The following FBXO48 variants were observed in gnomAD, a reference collection of about 807,000 sequenced individuals.
The protein encoded by FBXO48 is F-box protein 48.
Under a neutral mutation model 14.3 loss-of-function variants are expected in FBXO48, and 12 were observed. The observed-to-expected ratio is 0.84, with a 90% CI of 0.54 to 1.36. The LOEUF (loss-of-function observed/expected upper bound fraction) is 1.36, where lower values mean the gene tolerates loss of function less well. Among genes scored for constraint, FBXO48 ranks in the 40% most tolerant of loss-of-function variants. The pLI is 0.00. For synonymous variants in FBXO48, 53 were observed against 61.7 expected (o/e 0.86, Z 0.66); for missense variants, 177 against 179.1 (o/e 0.99, Z 0.07).
chr2:68,465,317 G>A (rs542572897), intron 2 of FBXO48, 139 bp from the exon 3 acceptor site: 8 of 594,952 alleles, frequency 1.3e-5, no homozygotes, highest in South Asian at 6.3e-5. Context: ...CAATGCTGCC[G>A]CTCTCCTGAA....
rs1473038153 is a variant in FBXO48, at chr2:68,466,445, T to G, written c.-335A>C. On this transcript the variant is annotated 5_prime_UTR_variant, in exon 2 of 4. Transcript: ENST00000377957. ...CCAGATTAGCTGTGGTGGCTGGAAC[T>G]GCAGTCTGTGTTCAACAGAGGTCTT... 1.3e-5 allele frequency: 2 copies of G among 152,166 alleles called. No homozygotes were observed. Among genetic ancestry groups the G allele is most frequent in the Non-Finnish European group, 2.9e-5 (2 of 68,064 alleles). 9.4% of individuals were successfully genotyped at this position (152,166 alleles called of 1,614,324 possible). A position where few individuals can be genotyped will look rare whatever the true frequency, so the allele number is the denominator to read the frequency against.
intron 2 of FBXO48, among the ~76,000 whole-genome samples, chr2:68,465,783 C>T (rs1675393325): frequency 6.6e-6 from 1 of 152,102 alleles, no homozygotes; most frequent in Non-Finnish European, 1.5e-5. Context: ...CATTAATTTG[C>T]AATTTGTGAC....
Position 68,461,009 on chromosome 2 carries a change from G to A in FBXO48, c.*3200C>T, listed in dbSNP as rs1400086118. 1 of 152,166 alleles carries A rather than the reference G, an allele frequency of 6.6e-6. No homozygotes were observed. The highest frequency in any genetic ancestry group is 1.9e-4 in the East Asian group (1 of 5,202). 9.4% of individuals were successfully genotyped at this position (152,166 alleles called of 1,614,324 possible). A position where few individuals can be genotyped will look rare whatever the true frequency, so the allele number is the denominator to read the frequency against. On this transcript the variant is annotated 3_prime_UTR_variant, in exon 4 of 4. Transcript: ENST00000377957. ...ACAGTTTCAACCATATGGAGTGATGGCCATATTATAGCAGATTAAGACTGA... is the reference window on the plus strand; with the variant it reads ...ACAGTTTCAACCATATGGAGTGATGACCATATTATAGCAGATTAAGACTGA...
rs370586959 is a variant in FBXO48 at position 68,461,739 on chromosome 2, T to TA, written c.*2469dup. On this transcript the variant is annotated 3_prime_UTR_variant, in exon 4 of 4. Coordinates refer to ENST00000377957, the MANE Select transcript of FBXO48 (RefSeq NM_001024680.3). Reference sequence around the variant, plus strand: ...GGAGGCTGGGAAAAACAGGATAATGTAAAAAAAAAAAAACAAGAAAACAAA... The same window carrying TA: ...GGAGGCTGGGAAAAACAGGATAATGTAAAAAAAAAAAAAACAAGAAAACAAA... 0.042 allele frequency: 5,628 copies of TA among 135,136 alleles called. 124 individuals carry two copies. Among genetic ancestry groups the TA allele is most frequent in the South Asian group, 0.066 (273 of 4,124 alleles). The allele number at this position is 135,136 out of a possible 1,614,324, so 8.4% of individuals were successfully genotyped here. A position where few individuals can be genotyped will look rare whatever the true frequency, so the allele number is the denominator to read the frequency against.
At position 68,462,738 on chromosome 2, in the gene FBXO48, T is replaced by C. The variant is rs942988499; in HGVS notation, c.*1471A>G. On this transcript the variant is annotated 3_prime_UTR_variant, in exon 4 of 4. Coordinates refer to ENST00000377957, the MANE Select transcript of FBXO48 (RefSeq NM_001024680.3). The stretch of plus-strand genomic sequence containing the variant: ...TATACTCTATGATCATCAGTGGAAT[T>C]GGAGAGAAGACATAGGAAGAGACAG... 4 of 152,212 alleles carry C rather than the reference T, an allele frequency of 2.6e-5. No individual in the cohort carries two copies. Among genetic ancestry groups the C allele is most frequent in the African/African-American group, 9.7e-5 (4 of 41,440 alleles). 9.4% of individuals were successfully genotyped at this position (152,212 alleles called of 1,614,324 possible). A position where few individuals can be genotyped will look rare whatever the true frequency, so the allele number is the denominator to read the frequency against.
chr2:68,466,499 G>A (rs1418813791), intron 1 of FBXO48, 29 bp from the exon 2 acceptor site: 1 of 152,172 alleles, frequency 6.6e-6, no homozygotes, highest in Non-Finnish European at 1.5e-5. Flanking sequence ...AAGTAAGAAA[G>A]CAAACGTAAA....
rs942882683 is a variant in FBXO48 at position 68,463,018 on chromosome 2, G to C, written c.*1191C>G. 6 of 152,210 alleles carry C rather than the reference G, an allele frequency of 3.9e-5. No homozygotes were observed. The highest frequency in any genetic ancestry group is 9.7e-5 in the African/African-American group (4 of 41,448). 9.4% of individuals were successfully genotyped at this position (152,210 alleles called of 1,614,324 possible). On this transcript the variant is annotated 3_prime_UTR_variant, in exon 4 of 4. Transcript: ENST00000377957. ...AATAGTCCTGGACACTTGACTGCCT[G>C]ATTTTCAAGGACTCTTCCAACTCTA...
intron 3 of FBXO48, 32 bp downstream of exon 3, chr2:68,464,805 TCAA>T (rs1366790939): frequency 6.6e-7 from 1 of 1,522,554 alleles, no homozygotes; most frequent in Non-Finnish European, 9.0e-7. Context: ...CATAACGCTG[TCAA>T]CAACACTGCA....
chr2:68,465,027 G>A lies in FBXO48; in HGVS notation c.119C>T (p.Ala40Val). 1.9e-6 allele frequency: 3 copies of A among 1,613,956 alleles called. No homozygotes were observed. Among genetic ancestry groups the A allele is most frequent in the Non-Finnish European group, 2.5e-6 (3 of 1,180,030 alleles). ...SQNNFFELLP[A>V]EITFKIFSQL... is the part of the protein sequence containing the mutation. ...ACTGAAAATTTTAAAAGTGATTTCT[G>A]CAGGCAGCAGTTCAAAAAAGTTGTT... Residue 40 changes from alanine to valine, a missense_variant, in exon 3 of 4, where the codon GCA becomes GTA. Physicochemically the swap from Ala to Val is moderately conservative, Grantham distance 64. Coordinates refer to ENST00000377957, the MANE Select transcript of FBXO48 (RefSeq NM_001024680.3).
chr2:68,460,238 G>A lies in FBXO48; in HGVS notation c.*3971C>T, dbSNP rs1675229549. 1 of 152,134 alleles carries A rather than the reference G, an allele frequency of 6.6e-6. No individual in the cohort carries two copies. Among genetic ancestry groups the A allele is most frequent in the Non-Finnish European group, 1.5e-5 (1 of 68,030 alleles). The allele number at this position is 152,134 out of a possible 1,614,324, so 9.4% of individuals were successfully genotyped here. A position where few individuals can be genotyped will look rare whatever the true frequency, so the allele number is the denominator to read the frequency against. On this transcript the variant is annotated 3_prime_UTR_variant, in exon 4 of 4. Coordinates refer to ENST00000377957, the MANE Select transcript of FBXO48 (RefSeq NM_001024680.3). Reference sequence around the variant, plus strand: ...CAGTAAAAGGAAGGAACTGGAGGCAGGAACACCAGTAAGAGGTTATTTTAG... The same window carrying A: ...CAGTAAAAGGAAGGAACTGGAGGCAAGAACACCAGTAAGAGGTTATTTTAG...
intron 1 of FBXO48, 27 bp from the exon 2 acceptor site, chr2:68,466,497 A>C (rs1473686276): frequency 3.3e-5 from 5 of 152,146 alleles, no homozygotes; most frequent in African/African-American, 1.2e-4. Flanking sequence ...AGAAGTAAGA[A>C]AGCAAACGTA....
At position 68,460,776 on chromosome 2, in the gene FBXO48, A is replaced by C. The variant is rs1675240882; in HGVS notation, c.*3433T>G. Reference sequence around the variant, plus strand: ...AACACTAACATGTAATGAGTAGGTGAAGGAAAGCGAGTCTTTGGAGGAAAC... The same window carrying C: ...AACACTAACATGTAATGAGTAGGTGCAGGAAAGCGAGTCTTTGGAGGAAAC... On this transcript the variant is annotated 3_prime_UTR_variant, in exon 4 of 4. Transcript: ENST00000377957. The C allele has an allele frequency of 6.6e-6, 1 of 152,214 alleles. No homozygotes were observed. Among genetic ancestry groups the C allele is most frequent in the Non-Finnish European group, 1.5e-5 (1 of 68,048 alleles). 9.4% of individuals were successfully genotyped at this position (152,214 alleles called of 1,614,324 possible).
rs1675234932 is a variant in FBXO48, at chr2:68,460,558, ATAC to A, written c.*3648_*3650del. The A allele has an allele frequency of 4.0e-5, 6 of 150,734 alleles. No homozygotes were observed. The highest frequency in any genetic ancestry group is 6.6e-5 in the Admixed American group (1 of 15,126). 9.3% of individuals were successfully genotyped at this position (150,734 alleles called of 1,614,324 possible). A position where few individuals can be genotyped will look rare whatever the true frequency, so the allele number is the denominator to read the frequency against. On this transcript the variant is annotated 3_prime_UTR_variant, in exon 4 of 4. Coordinates refer to ENST00000377957, the MANE Select transcript of FBXO48 (RefSeq NM_001024680.3). ...ATTTTATATATATATATATATACTTATACTATCTTTGGATAAAAATCCAAAAGA... is the reference window on the plus strand; with the variant it reads ...ATTTTATATATATATATATATACTTATATCTTTGGATAAAAATCCAAAAGA...
chr2:68,464,401 CTGTAGTA>C, intron 3 of FBXO48, 31 bp from the exon 4 acceptor site: 1 of 1,606,602 alleles, frequency 6.2e-7, no homozygotes, highest in Non-Finnish European at 8.5e-7. Flanking sequence ...TTAAAAAAGA[CTGTAGTA>C]GGTGGTTGGT....
chr2:68,466,931 G>C (rs760999939), intron 1 of FBXO48, among the ~76,000 whole-genome samples: 29 of 152,300 alleles, frequency 1.9e-4, no homozygotes, highest in Non-Finnish European at 3.8e-4. Flanking sequence ...GGATAGATCG[G>C]CGGCAGCGCA....
At position 68,465,092 on chromosome 2, in the gene FBXO48, C is replaced by T. The variant is rs537043770; in HGVS notation, c.54G>A (p.Ala18=). 8.9e-5 allele frequency: 143 copies of T among 1,612,694 alleles called. 1 individual carries two copies. The South Asian group carries it at 1.2e-3, about 13-fold the overall frequency. The change falls in exon 3 of 4, where the codon GCG becomes GCA. Residue 18 remains alanine, a synonymous_variant. Transcript: ENST00000377957. ...NNNLRVSHTE[A]NSVDAEKEKN... ...TTTCCTTCTCAGCATCCACAGAGTT[C>T]GCTTCTGTGTGAGAAACTCTTAAAT... is the stretch of plus-strand genomic sequence containing the variant.
Position 68,461,928 on chromosome 2 carries a change from C to G in FBXO48, c.*2281G>C, listed in dbSNP as rs906251388. On this transcript the variant is annotated 3_prime_UTR_variant, in exon 4 of 4. Coordinates refer to ENST00000377957, the MANE Select transcript of FBXO48 (RefSeq NM_001024680.3). Reference sequence around the variant, plus strand: ...GCGGGCGCCTATAATCCTGGCTGCTCGGGAGGCTGACACAGAGAGTTGCTT... The same window carrying G: ...GCGGGCGCCTATAATCCTGGCTGCTGGGGAGGCTGACACAGAGAGTTGCTT... 6.6e-6 allele frequency: 1 copy of G among 151,698 alleles called. No individual in the cohort carries two copies. The highest frequency in any genetic ancestry group is 1.5e-5 in the Non-Finnish European group (1 of 68,000). The allele number at this position is 151,698 out of a possible 1,614,324, so 9.4% of individuals were successfully genotyped here.
rs2103852124 is a variant in FBXO48 at position 68,463,537 on chromosome 2, G to A, written c.*672C>T. 1 of 151,538 alleles carries A rather than the reference G, an allele frequency of 6.6e-6. No homozygotes were observed. Among genetic ancestry groups the A allele is most frequent in the East Asian group, 1.9e-4 (1 of 5,162 alleles). 9.4% of individuals were successfully genotyped at this position (151,538 alleles called of 1,614,324 possible). A position where few individuals can be genotyped will look rare whatever the true frequency, so the allele number is the denominator to read the frequency against. On this transcript the variant is annotated 3_prime_UTR_variant, in exon 4 of 4. Coordinates refer to ENST00000377957, the MANE Select transcript of FBXO48 (RefSeq NM_001024680.3). The stretch of plus-strand genomic sequence containing the variant: ...TACCAGGCTAGTGTGGCATTCTGAT[G>A]GTAAAGTGTTCTGGAAACTTTCCAC...
rs543576331 is a variant in FBXO48, at chr2:68,466,244, T to C, written c.-134A>G. ...GTATATAAAGACAGCTTGTATTCAC[T>C]TAAAATCAGTTTATTCCATTTTGCA... On this transcript the variant is annotated 5_prime_UTR_variant, in exon 2 of 4. Transcript: ENST00000377957. 6.6e-6 allele frequency: 1 copy of C among 152,376 alleles called. No homozygotes were observed. Among genetic ancestry groups the C allele is most frequent in the East Asian group, 1.9e-4 (1 of 5,194 alleles). The allele number at this position is 152,376 out of a possible 1,614,324, so 9.4% of individuals were successfully genotyped here. A position where few individuals can be genotyped will look rare whatever the true frequency, so the allele number is the denominator to read the frequency against.
Sources: allele counts gnomAD v4.1 joint callset (sites outside exome capture counted in the v4.1 genomes callset), GRCh38; gene constraint gnomAD v4.1.1; transcripts MANE v1.5; gene names NCBI Gene and HGNC (gene_info 2026-07-23, HGNC 2026-07-21).